Variants in DENND4A observed in about 807,000 individuals in gnomAD.
DENND4A encodes DENN domain containing 4A, also known as C-myc promoter-binding protein.
Under a neutral mutation model 199.3 loss-of-function variants are expected in DENND4A, and 70 were observed. That is an observed-to-expected ratio of 0.35 (90% confidence interval 0.29 to 0.43). DENND4A has a LOEUF of 0.43. Ranked by LOEUF, DENND4A falls within the 20% of genes least tolerant of loss-of-function variation. The pLI, the probability that DENND4A is intolerant of heterozygous loss-of-function variation, is 1.00. For missense variants in DENND4A, 1,723 were observed against 2,255.8 expected, an observed-to-expected ratio of 0.76 and a Z score of 4.78; for synonymous variants, 686 against 766.9, an observed-to-expected ratio of 0.89 and a Z score of 1.74.
At chr15:65,684,832 T>C (rs1045401300) in intron 23 of DENND4A, among the ~76,000 whole-genome samples, 14 of 150,242 alleles carry the variant, frequency 9.3e-5, no homozygotes, top group African/African-American at 3.2e-4. Context: ...TTTTTTTTTT[T>C]TTTTTTTTTG....
At chr15:65,710,547 G>A (rs940295902) in intron 14 of DENND4A, among the ~76,000 whole-genome samples, 3 of 152,066 alleles carry the variant, frequency 2.0e-5, no homozygotes, top group Admixed American at 2.0e-4. Context: ...ATCATTCAAA[G>A]TTGGTAATGC....
intron 1 of DENND4A, among the ~76,000 whole-genome samples, chr15:65,787,818 A>G (rs2077606271): frequency 6.6e-6 from 1 of 152,244 alleles, no homozygotes; most frequent in Admixed American, 6.5e-5. Flanking sequence ...GTCTGAGGGC[A>G]GAAATCACTA....
intron 7 of DENND4A, among the ~76,000 whole-genome samples, chr15:65,735,576 A>T (rs2076090660): frequency 6.6e-6 from 1 of 152,182 alleles, no homozygotes; most frequent in Non-Finnish European, 1.5e-5. Flanking sequence ...TAATTGCAGT[A>T]AAAGAGTGTC....
intron 14 of DENND4A, among the ~76,000 whole-genome samples, chr15:65,714,547 T>C (rs1336475873): frequency 6.6e-6 from 1 of 152,196 alleles, no homozygotes; most frequent in Non-Finnish European, 1.5e-5. Context: ...TTCACCTTAA[T>C]GTGGTTTTGA....
intron 1 of DENND4A, among the ~76,000 whole-genome samples, chr15:65,764,616 G>A (rs2076933701): frequency 6.6e-6 from 1 of 151,874 alleles, no homozygotes; most frequent in Non-Finnish European, 1.5e-5. Context: ...GGGCAATACA[G>A]CAAGACTCTG....
intron 19 of DENND4A, 111 bp from the exon 20 acceptor site, chr15:65,700,786 A>G: frequency 8.6e-7 from 1 of 1,162,160 alleles, no homozygotes. Context: ...AAAGTGCCAC[A>G]TACTTAGCAA....
chr15:65,775,152 ATTAGAAAAAT>A (rs999970232), intron 1 of DENND4A, among the ~76,000 whole-genome samples: 5 of 152,084 alleles, frequency 3.3e-5, no homozygotes, highest in Non-Finnish European at 7.4e-5. Flanking sequence ...ACCAACCACT[ATTAGAAAAAT>A]TTGAGACCCC....
At chr15:65,731,770 A>T in intron 8 of DENND4A, 70 bp from the exon 9 acceptor site, 1 of 1,063,634 alleles carries the variant, frequency 9.4e-7, no homozygotes, top group Non-Finnish European at 1.4e-6. Context: ...TTCTGTTAAA[A>T]ATATATAAAA....
At chr15:65,678,081 C>G (rs1229722377) in intron 23 of DENND4A, among the ~76,000 whole-genome samples, 1 of 152,022 alleles carries the variant, frequency 6.6e-6, no homozygotes, top group Non-Finnish European at 1.5e-5. Context: ...GCGCCCGCCA[C>G]CATGCCCGGC....
At chr15:65,745,243 T>C (rs1013369581) in intron 4 of DENND4A, among the ~76,000 whole-genome samples, 3 of 152,206 alleles carry the variant, frequency 2.0e-5, no homozygotes, top group African/African-American at 7.2e-5. Flanking sequence ...CAGCATAATG[T>C]GGTCAAACTA....
In DENND4A at chr15:65,665,392, A is replaced by G; in HGVS notation, c.5312T>C (p.Leu1771Ser). 6.2e-7 allele frequency: 1 copy of G among 1,613,798 alleles called. No homozygotes were observed. Among genetic ancestry groups the G allele is most frequent in the Non-Finnish European group, 8.5e-7 (1 of 1,179,742 alleles). The part of the protein sequence containing the change: ...LIQMLWDNMK[L>S]HQDPGQPLYI... ...CAAGGGCTGTCCCGGATCCTGATGT[A>G]ACTTCATATTGTCCCATAACATTTG... Residue 1771 changes from leucine (L) to serine (S), a missense_variant, in exon 30 of 33, where the codon TTA (leucine) becomes TCA (serine). This residue lies in a region of DENND4A where 164 missense variants were observed against 280.1 expected (regional missense o/e 0.59). Coordinates refer to ENST00000443035, the MANE Select transcript of DENND4A (RefSeq NM_001320835.1).
chr15:65,781,432 A>G (rs1021689286), intron 1 of DENND4A, among the ~76,000 whole-genome samples: 1 of 152,222 alleles, frequency 6.6e-6, no homozygotes, highest in African/African-American at 2.4e-5. Context: ...CGAAAAAGTA[A>G]GGAAATAGTT....
chr15:65,786,097 T>C (rs1341299638), intron 1 of DENND4A, among the ~76,000 whole-genome samples: 3 of 152,158 alleles, frequency 2.0e-5, no homozygotes, highest in African/African-American at 7.2e-5. Context: ...GTATATGACC[T>C]GGAGAAACTA....
At chr15:65,757,266 G>A (rs1006185177) in intron 2 of DENND4A, among the ~76,000 whole-genome samples, 2 of 147,586 alleles carry the variant, frequency 1.4e-5, no homozygotes. Context: ...CTGAGATGGG[G>A]GGGGGGGGGT....
chr15:65,677,612 T>A (rs746892293), intron 23 of DENND4A, among the ~76,000 whole-genome samples: 27 of 152,274 alleles, frequency 1.8e-4, no homozygotes, highest in Admixed American at 3.3e-4. Context: ...GAGAAAAAAA[T>A]TTTTTAAATG....
intron 11 of DENND4A, among the ~76,000 whole-genome samples, chr15:65,723,681 G>A (rs72741249): frequency 0.051 from 7,725 of 152,082 alleles, 288 homozygotes; most frequent in Non-Finnish European, 0.072. Context: ...ATATACCTAT[G>A]ATAAAGTTCA....
intron 15 of DENND4A, among the ~76,000 whole-genome samples, chr15:65,704,377 T>C (rs2074975416): frequency 6.6e-6 from 1 of 152,162 alleles, no homozygotes; most frequent in South Asian, 2.1e-4. Context: ...GTAATTTTCT[T>C]ATTATTTTAT....
chr15:65,733,074 T>G (rs891726391), intron 7 of DENND4A, among the ~76,000 whole-genome samples: 4 of 152,222 alleles, frequency 2.6e-5, no homozygotes, highest in Non-Finnish European at 4.4e-5. Context: ...AAAAGTCTGT[T>G]TAACTTTTAC....
Position 65,666,231 on chromosome 15 carries a change from T to G in DENND4A, c.5242-769A>C, listed in dbSNP as rs549820729. Reference sequence around the variant, plus strand: ...TTTATAAATGAGGCACAAAAAGAAATTAACAATAACTAATAATAAAATAGA... The same window carrying G: ...TTTATAAATGAGGCACAAAAAGAAAGTAACAATAACTAATAATAAAATAGA... On this transcript the variant is annotated intron_variant, in intron 29 of 32. Transcript: ENST00000443035. Among the ~76,000 whole-genome samples the G allele has an allele frequency of 2.0e-4, 31 of 152,158 alleles. No homozygotes were observed. In the East Asian group the frequency reaches 4.1e-3, roughly 20 times the overall value.
Sources: gnomAD v4.1 joint callset for allele counts (sites outside exome capture counted in the v4.1 genomes callset) on GRCh38, gnomAD v4.1.1 for gene constraint, gnomAD v4.1.1 regional missense constraint, MANE v1.5 for transcripts, NCBI Gene and HGNC (gene_info 2026-07-23, HGNC 2026-07-21) for gene names.